ISLR2: variants seen among roughly 807,000 people sequenced by gnomAD.
ISLR2 encodes immunoglobulin superfamily containing leucine rich repeat 2.
Under a neutral mutation model 25.5 loss-of-function variants are expected in ISLR2, and 16 were observed. The observed-to-expected ratio is 0.63, with a 90% CI of 0.43 to 0.95. ISLR2 has a LOEUF of 0.95. ISLR2 is among the 40% of genes least tolerant of loss of function. The probability of loss-of-function intolerance (pLI) is 0.00; values close to 1 mark genes in which losing one functional copy is unlikely to be tolerated. For synonymous variants in ISLR2, 508 were observed against 486.6 expected (o/e 1.04, Z -0.58); for missense variants, 883 against 1,030.7 (o/e 0.86, Z 1.96).
At position 74,134,317 on chromosome 15, in the gene ISLR2, A is replaced by G. The variant is rs1389538662; in HGVS notation, c.1563A>G (p.Arg521=). 7 of 1,531,196 alleles carry G rather than the reference A, an allele frequency of 4.6e-6. No individual in the cohort carries two copies. Among genetic ancestry groups the G allele is most frequent in the Non-Finnish European group, 5.3e-6 (6 of 1,141,630 alleles). The allele number at this position is 1,531,196 out of a possible 1,614,324, so 94.9% of individuals were successfully genotyped here. Residue 521 remains arginine (R), a synonymous_variant, in exon 3 of 3, where the codon CGA becomes CGG. Coordinates refer to ENST00000453268, the MANE Select transcript of ISLR2 (RefSeq NM_020851.3). ...PGPGGAGGAP[R]PGRRPLRLLY... ...CCGGCGGGGCTGGCGGAGCCCCGCG[A>G]CCCGGGCGGCGACCCCTGCGCCTAC...
intron 2 of ISLR2, among the ~76,000 whole-genome samples, chr15:74,112,403 T>C (rs566625756): frequency 2.1e-4 from 32 of 152,314 alleles, no homozygotes; most frequent in Admixed American, 2.0e-3. Context: ...AAAAATCATT[T>C]CTCTAAATTC....
chr15:74,130,892 C>T (rs2072399587), intron 1 of ISLR2, among the ~76,000 whole-genome samples: 1 of 151,444 alleles, frequency 6.6e-6, no homozygotes. Context: ...TGTGGGGGTA[C>T]GTGGGTTATG....
chr15:74,133,027 G>A lies in ISLR2; in HGVS notation c.273G>A (p.Glu91=). The change falls in exon 3 of 3, where the codon GAG becomes GAA. Residue 91 remains glutamate, a synonymous_variant. Coordinates refer to ENST00000453268, the MANE Select transcript of ISLR2 (RefSeq NM_020851.3). ...CGCACAATGAGGTGCGCACCGTGGA[G>A]CCAGGCGCACTGGCCGTGCTGAGTC... ...WLAHNEVRTV[E]PGALAVLSQL... is the part of the protein sequence containing the mutation. The A allele has an allele frequency of 6.2e-7, 1 of 1,613,126 alleles. No homozygotes were observed. Among genetic ancestry groups the A allele is most frequent in the Non-Finnish European group, 8.5e-7 (1 of 1,179,946 alleles).
downstream of ISLR2, among the ~76,000 whole-genome samples, chr15:74,138,134 G>A (rs2072588150): frequency 6.6e-6 from 1 of 151,972 alleles, no homozygotes; most frequent in Non-Finnish European, 1.5e-5. Context: ...GAGTGGAGTG[G>A]GGTTGGGGCT....
At position 74,134,319 on chromosome 15, in the gene ISLR2, C is replaced by T. The variant is rs1171129028; in HGVS notation, c.1565C>T (p.Pro522Leu). 2 of 1,532,986 alleles carry T rather than the reference C, an allele frequency of 1.3e-6. No homozygotes were observed. The highest frequency in any genetic ancestry group is 1.8e-6 in the Non-Finnish European group (2 of 1,142,528). The allele number at this position is 1,532,986 out of a possible 1,614,324, so 95.0% of individuals were successfully genotyped here. Residue 522 changes from proline to leucine, a missense_variant, in exon 3 of 3, where the codon CCC (proline) becomes CTC (leucine). By Grantham distance (98) the Pro-to-Leu change is moderately conservative. Around this residue, in one of 2 missense-constraint regions of ISLR2, gnomAD observed 612 missense variants for 642.8 expected, o/e 0.95. Coordinates refer to ENST00000453268, the MANE Select transcript of ISLR2 (RefSeq NM_020851.3). ...GGCGGGGCTGGCGGAGCCCCGCGAC[C>T]CGGGCGGCGACCCCTGCGCCTACTC... is the stretch of plus-strand genomic sequence containing the variant. ...GPGGAGGAPRPGRRPLRLLYL... is the reference protein window; with the variant it reads ...GPGGAGGAPRLGRRPLRLLYL...
downstream of ISLR2, among the ~76,000 whole-genome samples, chr15:74,137,943 CT>C (rs1043527263): frequency 2.0e-4 from 30 of 150,164 alleles, no homozygotes; most frequent in Middle Eastern, 3.4e-3. Flanking sequence ...TGTTTTCTTT[CT>C]TTTTTTTTTA....
chr15:74,123,958 G>C (rs2072272163), upstream of ISLR2, among the ~76,000 whole-genome samples: 1 of 151,944 alleles, frequency 6.6e-6, no homozygotes, highest in African/African-American at 2.4e-5. Context: ...GGACAATACA[G>C]TTTGATCCTC....
downstream of ISLR2, among the ~76,000 whole-genome samples, chr15:74,136,994 C>T (rs989142204): frequency 1.3e-5 from 2 of 152,112 alleles, no homozygotes; most frequent in African/African-American, 4.8e-5. Flanking sequence ...TCTCCAACTC[C>T]AGGGTGGGGT....
chr15:74,103,521 G>T (rs1351467019), intron 1 of ISLR2, among the ~76,000 whole-genome samples: 1 of 120,320 alleles, frequency 8.3e-6, no homozygotes, highest in Non-Finnish European at 1.7e-5. Flanking sequence ...CACAAGAATT[G>T]CTTGAACCCA....
At chr15:74,128,278 G>A, upstream of ISLR2, 1 of 353,504 alleles carries the variant, frequency 2.8e-6, no homozygotes, top group Non-Finnish European at 5.4e-6. Context: ...GCCCGGGCGG[G>A]CACTGGGCTC....
chr15:74,126,456 C>T (rs889606449), upstream of ISLR2: 1 of 147,860 alleles, frequency 6.8e-6, no homozygotes, highest in African/African-American at 2.6e-5. Context: ...CCGAGATTCT[C>T]CTGCCTCAGC....
Position 74,134,652 on chromosome 15 carries a change from C to A in ISLR2, c.1898C>A (p.Ala633Asp), listed in dbSNP as rs147684256. ...TACCGTCTGATCCTGCGGCCTCAGGCCCCTGACCCTATGGAGAAGCGCATC... is the reference window on the plus strand; with the variant it reads ...TACCGTCTGATCCTGCGGCCTCAGGACCCTGACCCTATGGAGAAGCGCATC... ...KPYRLILRPQAPDPMEKRIAA... is the reference protein window; with the variant it reads ...KPYRLILRPQDPDPMEKRIAA... Residue 633 changes from alanine (A) to aspartate (D), a missense_variant, in exon 3 of 3, where the codon GCC (alanine) becomes GAC (aspartate). By Grantham distance (126) the Ala-to-Asp change is moderately radical (BLOSUM62 -2). This residue lies in a region of ISLR2 where 612 missense variants were observed against 642.8 expected (regional missense o/e 0.95). Coordinates refer to ENST00000453268, the MANE Select transcript of ISLR2 (RefSeq NM_020851.3). The A allele has an allele frequency of 1.9e-6, 3 of 1,614,022 alleles. No individual in the cohort carries two copies. The highest frequency in any genetic ancestry group is 2.2e-5 in the East Asian group (1 of 44,890).
At chr15:74,114,035 G>A (rs1296478454) in intron 2 of ISLR2, among the ~76,000 whole-genome samples, 2 of 152,196 alleles carry the variant, frequency 1.3e-5, no homozygotes, top group Non-Finnish European at 2.9e-5. Context: ...GCAGCCCTGA[G>A]CAGCAGTCTC....
At chr15:74,129,452 G>A, upstream of ISLR2, 1 of 185,402 alleles carries the variant, frequency 5.4e-6, no homozygotes, top group Non-Finnish European at 1.1e-5. This position sits in a 1 kb window ranked among gnomAD's most constrained non-coding sequence, Gnocchi z 4.5. Context: ...GGTGATGGCT[G>A]TGGGGCTTGG....
intron 2 of ISLR2, among the ~76,000 whole-genome samples, chr15:74,113,390 A>G (rs1221767958): frequency 6.6e-6 from 1 of 152,210 alleles, no homozygotes; most frequent in Non-Finnish European, 1.5e-5. Context: ...AGCTCAAGTG[A>G]TCTACCTGCC....
At chr15:74,111,513 T>C (rs932499256) in intron 2 of ISLR2, among the ~76,000 whole-genome samples, 3 of 151,998 alleles carry the variant, frequency 2.0e-5, no homozygotes. Context: ...GGTCTCGAAC[T>C]CCTGGCTTCA....
upstream of ISLR2, chr15:74,128,162 G>T (rs1009320579): frequency 2.0e-5 from 6 of 297,524 alleles, no homozygotes; most frequent in Non-Finnish European, 3.9e-5. Flanking sequence ...GGCGCCGGAC[G>T]AGGTGCGCGC....
chr15:74,104,661 T>A (rs1233052042), intron 2 of ISLR2, among the ~76,000 whole-genome samples: 1 of 151,532 alleles, frequency 6.6e-6, no homozygotes. Context: ...TGCGCTCTGA[T>A]AGTCCCAGCT....
In ISLR2 at chr15:74,134,487, A is replaced by T; in HGVS notation, c.1733A>T (p.Gln578Leu). 1 of 1,613,392 alleles carries T rather than the reference A, an allele frequency of 6.2e-7. No homozygotes were observed. Among genetic ancestry groups the T allele is most frequent in the South Asian group, 1.1e-5 (1 of 91,050 alleles). Residue 578 changes from glutamine (Q) to leucine (L), a missense_variant, in exon 3 of 3, where the codon CAA (glutamine) becomes CTA (leucine). Physicochemically the swap from Gln to Leu is moderately radical, Grantham distance 113 (BLOSUM62 -2). Around this residue, in one of 2 missense-constraint regions of ISLR2, gnomAD observed 612 missense variants for 642.8 expected, o/e 0.95. Coordinates refer to ENST00000453268, the MANE Select transcript of ISLR2 (RefSeq NM_020851.3). The part of the protein sequence containing the change: ...LALAGEACHV[Q>L]VVFSTKKELP... The stretch of plus-strand genomic sequence containing the variant: ...CTGGCGGGCGAAGCCTGCCACGTGC[A>T]AGTGGTGTTTTCCACCAAGAAGGAG...
Sources: gnomAD v4.1 joint callset for allele counts (sites outside exome capture counted in the v4.1 genomes callset) on GRCh38, gnomAD v4.1.1 for gene constraint, gnomAD v4.1.1 regional missense constraint, Gnocchi (gnomAD v3.1) non-coding constraint, MANE v1.5 for transcripts, NCBI Gene and HGNC (gene_info 2026-07-23, HGNC 2026-07-21) for gene names.